AKAP6: variants seen among roughly 807,000 people sequenced by gnomAD.
AKAP6 encodes the protein A-kinase anchoring protein 6, also known as A-kinase anchor protein 6.
In AKAP6, 58 loss-of-function variants were observed where a neutral mutation model predicts 188.5. That is an observed-to-expected ratio of 0.31 (90% CI 0.25 to 0.38). The LOEUF is 0.38. Ranked by LOEUF, AKAP6 falls within the 10% of genes least tolerant of loss-of-function variation. The pLI, the probability that AKAP6 is intolerant of heterozygous loss-of-function variation, is 1.00. For synonymous variants in AKAP6, 989 were observed against 998.6 expected (o/e 0.99, Z 0.18); for missense variants, 2,710 against 2,740.0 (o/e 0.99, Z 0.24).
At position 32,822,311 on chromosome 14, in the gene AKAP6, C is replaced by T. The variant is rs74976151; in HGVS notation, c.4498C>T (p.Arg1500Cys). ...EKAHVEDPLL[R>C]GFYFDKKSCK... is the part of the protein sequence containing the mutation. ...AGCGCATGTGGAGGATCCCCTGCTTCGTGGTTTTTATTTTGATAAAAAATC... is the reference window on the plus strand; with the variant it reads ...AGCGCATGTGGAGGATCCCCTGCTTTGTGGTTTTTATTTTGATAAAAAATC... The change falls in exon 13 of 14, where the codon CGT becomes TGT. Residue 1500 changes from arginine (R) to cysteine (C), a missense_variant. Around this residue, in one of 2 missense-constraint regions of AKAP6, gnomAD observed 2,473 missense variants for 2,426.1 expected, o/e 1.02. Transcript: ENST00000280979. 364 of 1,613,896 alleles carry T rather than the reference C, an allele frequency of 2.3e-4. No individual in the cohort carries two copies. In the African/African-American group the frequency reaches 3.6e-3, roughly 16 times the overall value.
intron 7 of AKAP6, among the ~76,000 whole-genome samples, chr14:32,624,974 AT>A (rs1196148474): frequency 6.6e-6 from 1 of 152,140 alleles, no homozygotes; most frequent in Non-Finnish European, 1.5e-5. Context: ...ATTCCTAGTG[AT>A]TTTGTGAGTC....
chr14:32,463,918 A>G (rs1215967697), intron 2 of AKAP6, among the ~76,000 whole-genome samples: 1 of 152,200 alleles, frequency 6.6e-6, no homozygotes, highest in Non-Finnish European at 1.5e-5. Flanking sequence ...GGATATAACC[A>G]CTGATCCCAC....
intron 4 of AKAP6, among the ~76,000 whole-genome samples, chr14:32,554,274 C>T (rs564546154): frequency 3.9e-5 from 6 of 152,350 alleles, no homozygotes; most frequent in African/African-American, 1.2e-4. Flanking sequence ...TAAAGATTTA[C>T]TCTCTTGCCT....
At position 32,659,143 on chromosome 14, in the gene AKAP6, G is replaced by A. The variant is rs914458717; in HGVS notation, c.2731-19168G>A. On this transcript the variant is annotated intron_variant, in intron 7 of 13. Coordinates refer to ENST00000280979, the MANE Select transcript of AKAP6 (RefSeq NM_004274.5). ...GGATATGAGTGAACTTTTAGCACAC[G>A]ATGATTCCGCTGTTGCTACATTCAT... is the stretch of plus-strand genomic sequence containing the variant. Among the ~76,000 whole-genome samples the A allele has an allele frequency of 5.9e-5, 9 of 152,082 alleles. No individual in the cohort carries two copies. In the South Asian group the frequency reaches 1.0e-3, roughly 18 times the overall value.
At position 32,509,457 on chromosome 14, in the gene AKAP6, C is replaced by G. The variant is rs138618103; in HGVS notation, c.325-26097C>G. On this transcript the variant is annotated intron_variant, in intron 2 of 13. Transcript: ENST00000280979. ...GGATAAGTGGTAAACAAGATGGACA[C>G]AGTCTGTTATTAGTTTTTTGTCTTA... Among the ~76,000 whole-genome samples, 6 of 152,208 alleles carry G rather than the reference C, an allele frequency of 3.9e-5. No individual in the cohort carries two copies. In the East Asian group the frequency reaches 1.2e-3, roughly 29 times the overall value.
chr14:32,577,247 G>T lies in AKAP6; in HGVS notation c.2469+5G>T. 1.9e-6 allele frequency: 3 copies of T among 1,607,774 alleles called. No individual in the cohort carries two copies. Among genetic ancestry groups the T allele is most frequent in the Non-Finnish European group, 2.5e-6 (3 of 1,178,020 alleles). On this transcript the variant is annotated splice_donor_5th_base_variant and intron_variant, in intron 5 of 13. Coordinates refer to ENST00000280979, the MANE Select transcript of AKAP6 (RefSeq NM_004274.5). ...CTGTATCTGGAGACACACTTGGTAG[G>T]CAAGATTGTGTTGTTCTTGCTGTCA...
At chr14:32,591,352 G>A (rs1238975157) in intron 5 of AKAP6, among the ~76,000 whole-genome samples, 1 of 151,854 alleles carries the variant, frequency 6.6e-6, no homozygotes, top group Non-Finnish European at 1.5e-5. Flanking sequence ...TGAAAATTCT[G>A]TCACTTGGAG....
chr14:32,455,774 C>T (rs1003525833), intron 2 of AKAP6, among the ~76,000 whole-genome samples: 19 of 152,160 alleles, frequency 1.2e-4, no homozygotes, highest in Admixed American at 1.2e-3. Flanking sequence ...CTACTCTGAT[C>T]TGTTTTTATC....
intron 5 of AKAP6, among the ~76,000 whole-genome samples, chr14:32,583,039 C>T (rs371906282): frequency 7.2e-5 from 11 of 152,302 alleles, no homozygotes; most frequent in African/African-American, 1.4e-4. Flanking sequence ...TGAGGAACTG[C>T]GTTCCTTTGG....
chr14:32,358,214 A>G (rs749721009), intron 1 of AKAP6, among the ~76,000 whole-genome samples: 1 of 152,168 alleles, frequency 6.6e-6, no homozygotes, highest in Non-Finnish European at 1.5e-5. Flanking sequence ...TCAACTTCCT[A>G]TTCTGGAACT....
At chr14:32,508,074 TAAA>T (rs1051836333) in intron 2 of AKAP6, among the ~76,000 whole-genome samples, 1 of 152,174 alleles carries the variant, frequency 6.6e-6, no homozygotes, top group Non-Finnish European at 1.5e-5. Flanking sequence ...GCTTTCAGAC[TAAA>T]AAAATCTCTA....
intron 2 of AKAP6, among the ~76,000 whole-genome samples, chr14:32,520,808 A>G (rs1881789087): frequency 6.6e-6 from 1 of 152,214 alleles, no homozygotes; most frequent in Non-Finnish European, 1.5e-5. Context: ...TATTCCAATC[A>G]ATAGAAAAAG....
chr14:32,824,808 A>T lies in AKAP6; in HGVS notation c.*35A>T. ...CCTCCCCAAGCATGAAAATCATCTC[A>T]CTGAAAGGTACGTATAGTCCTCATG... On this transcript the variant is annotated 3_prime_UTR_variant, in exon 13 of 14. Transcript: ENST00000280979. The T allele has an allele frequency of 6.3e-7, 1 of 1,584,452 alleles. No individual in the cohort carries two copies. The highest frequency in any genetic ancestry group is 8.6e-7 in the Non-Finnish European group (1 of 1,167,612).
chr14:32,547,136 A>C (rs1883235354), intron 4 of AKAP6, 137 bp downstream of exon 4: 2 of 906,164 alleles, frequency 2.2e-6, no homozygotes. Context: ...GAAAGAAAAG[A>C]AAAAGCACAA....
chr14:32,800,061 CTATA>C (rs1555363776), intron 12 of AKAP6, among the ~76,000 whole-genome samples: 15 of 136,940 alleles, frequency 1.1e-4, no homozygotes, highest in African/African-American at 2.7e-4. Flanking sequence ...CTCTCTCTCT[CTATA>C]TATATAGAAA....
chr14:32,333,732 A>G (rs1886603371), intron 1 of AKAP6, among the ~76,000 whole-genome samples: 2 of 152,296 alleles, frequency 1.3e-5, no homozygotes, highest in Admixed American at 1.3e-4. Context: ...GGTATAAACT[A>G]TTTTGAGAAA....
At chr14:32,471,013 C>T (rs1878747217) in intron 2 of AKAP6, among the ~76,000 whole-genome samples, 1 of 152,114 alleles carries the variant, frequency 6.6e-6, no homozygotes, top group Admixed American at 6.6e-5. Flanking sequence ...CCTAACTAGG[C>T]CAAATCTTTC....
At chr14:32,708,601 A>T (rs1890911335) in intron 9 of AKAP6, among the ~76,000 whole-genome samples, 2 of 151,992 alleles carry the variant, frequency 1.3e-5, no homozygotes, top group African/African-American at 4.8e-5. Context: ...ACTATTCATA[A>T]TTTTAAGAAA....
chr14:32,378,727 G>T (rs1372967917), intron 1 of AKAP6, among the ~76,000 whole-genome samples: 1 of 152,106 alleles, frequency 6.6e-6, no homozygotes, highest in Non-Finnish European at 1.5e-5. Flanking sequence ...TTTTAGGATA[G>T]TATTTTTTGT....
Sources: allele counts gnomAD v4.1 joint callset (sites outside exome capture counted in the v4.1 genomes callset), GRCh38; gene constraint gnomAD v4.1.1; regional missense constraint gnomAD v4.1.1; transcripts MANE v1.5; gene names NCBI Gene and HGNC (gene_info 2026-07-23, HGNC 2026-07-21).